Variants in SRPK3 observed in about 807,000 individuals in gnomAD.
SRPK3 encodes SFRS protein kinase 3.
Under a neutral mutation model 45.3 loss-of-function variants are expected in SRPK3, and 26 were observed. That is an observed-to-expected ratio of 0.57 (90% CI 0.42 to 0.80). The LOEUF (loss-of-function observed/expected upper bound fraction) is 0.80. Among genes scored for constraint, SRPK3 ranks in the 30% least tolerant of loss-of-function variants. The probability of loss-of-function intolerance (pLI) is 0.00; values close to 1 mark genes in which losing one functional copy is unlikely to be tolerated. For synonymous variants in SRPK3, 254 were observed against 226.6 expected, an observed-to-expected ratio of 1.12 and a Z score of -1.09; for missense variants, 536 against 514.5, an observed-to-expected ratio of 1.04 and a Z score of -0.40.
At chrX:153,784,631 C>T (rs1261044134) in intron 11 of SRPK3, 119 bp from the exon 12 acceptor site, 19 of 922,394 alleles carry the variant, frequency 2.1e-5, no homozygotes, top group South Asian at 4.5e-5. Context: ...CTGGGGACCC[C>T]GAGGCTCACA....
intron 8 of SRPK3, 51 bp downstream of exon 8, chrX:153,783,302 C>A (rs191542808): frequency 2.2e-4 from 209 of 971,649 alleles, no homozygotes; most frequent in Middle Eastern, 1.2e-3. Context: ...TCTGAGCCAA[C>A]TGGAGGCCAT....
In SRPK3 at chrX:153,784,923, C is replaced by T; in HGVS notation, c.1357-11C>T. On this transcript the variant is annotated splice_polypyrimidine_tract_variant and intron_variant, in intron 12 of 14. Transcript: ENST00000370101. Reference sequence around the variant, plus strand: ...CCACCAGCCAGCAGCCTCACCTCCTCCCCCTTCCAGGCCTTCGAGCTGGCC... The same window carrying T: ...CCACCAGCCAGCAGCCTCACCTCCTTCCCCTTCCAGGCCTTCGAGCTGGCC... 8.3e-7 allele frequency: 1 copy of T among 1,211,088 alleles called. No homozygotes were observed.
chrX:153,784,325 C>T lies in SRPK3; in HGVS notation c.1179C>T (p.Asn393=), dbSNP rs373989643. 6.0e-5 allele frequency: 73 copies of T among 1,210,056 alleles called. No individual in the cohort carries two copies. The highest frequency in any genetic ancestry group is 8.0e-5 in the Non-Finnish European group (72 of 895,254). The change falls in exon 11 of 15, where the codon AAC becomes AAT. Residue 393 remains asparagine, a synonymous_variant. Transcript: ENST00000370101. ...TPFGASNLLV[N]PLEPQNADKI... is the part of the protein sequence containing the mutation. Reference sequence around the variant, plus strand: ...TCGGTGCCTCGAACCTCCTGGTGAACCCCCTGGAGCCCCAAAATGCAGATA... The same window carrying T: ...TCGGTGCCTCGAACCTCCTGGTGAATCCCCTGGAGCCCCAAAATGCAGATA...
rs189942605 is a variant in SRPK3 at position 153,784,795 on chromosome X, G to A, written c.1294G>A (p.Val432Ile). 2.6e-5 allele frequency: 31 copies of A among 1,210,671 alleles called. No individual in the cohort carries two copies. In the Admixed American group the frequency reaches 2.8e-4, roughly 11 times the overall value. ...CATCCAGACTCGGCAGTACCGGGCCGTCGAGGTGCTGATCGGCGCCGAATA... is the reference window on the plus strand; with the variant it reads ...CATCCAGACTCGGCAGTACCGGGCCATCGAGGTGCTGATCGGCGCCGAATA... ...EDIQTRQYRAVEVLIGAEYGP... is the reference protein window; with the variant it reads ...EDIQTRQYRAIEVLIGAEYGP... The change falls in exon 12 of 15, where the codon GTC becomes ATC. Residue 432 changes from valine (V) to isoleucine (I), a missense_variant. Transcript: ENST00000370101.
rs1480844264 is a variant in SRPK3, at chrX:153,784,202, T to C, written c.1136T>C (p.Leu379Pro). 8 of 1,209,596 alleles carry C rather than the reference T, an allele frequency of 6.6e-6. No homozygotes were observed. The highest frequency in any genetic ancestry group is 8.9e-6 in the Non-Finnish European group (8 of 895,106). Reference protein sequence around the residue: ...SSNQRETGGLLSPSTPFGASN... With the variant: ...SSNQRETGGLPSPSTPFGASN... ...AATCAGCGAGAGACCGGGGGCCTCC[T>C]GTCGCCTAGCAGTAAGTTGGGTGGC... Residue 379 changes from leucine (L) to proline (P), a missense_variant, in exon 10 of 15, where the codon CTG (leucine) becomes CCG (proline). Transcript: ENST00000370101.
chrX:153,782,679 A>C (rs782308932), intron 5 of SRPK3, 93 bp from the exon 6 acceptor site: 21 of 918,253 alleles, frequency 2.3e-5, no homozygotes, highest in Non-Finnish European at 3.1e-5. Flanking sequence ...CCCCACCTCC[A>C]CACGGCCCAA....
Position 153,785,460 on chromosome X carries a change from C to T in SRPK3, c.1644C>T (p.Tyr548=), listed in dbSNP as rs1557068762. 8.3e-7 allele frequency: 1 copy of T among 1,211,125 alleles called. No individual in the cohort carries two copies. The highest frequency in any genetic ancestry group is 1.1e-6 in the Non-Finnish European group (1 of 895,327). Reference sequence around the variant, plus strand: ...CCTTTCTGCTGCCCATGATGGAGTACATCCCCGAAAAGCGGGCCAGTGCCG... The same window carrying T: ...CCTTTCTGCTGCCCATGATGGAGTATATCCCCGAAAAGCGGGCCAGTGCCG... ...FSAFLLPMME[Y]IPEKRASAAD... The change falls in exon 15 of 15, where the codon TAC becomes TAT. Residue 548 remains tyrosine, a synonymous_variant. Transcript: ENST00000370101.
In SRPK3 at chrX:153,784,978, TGGA is replaced by T. The variant is rs1328212180; in HGVS notation, c.1403_1405del (p.Gly468del). On this transcript the variant is annotated inframe_deletion, in exon 13 of 15. Transcript: ENST00000370101. The stretch of plus-strand genomic sequence containing the variant: ...GTGACTACCTGTTCGAGCCGCATTC[TGGA>T]GAAGACTACAGTCGTGATGAGGGTA... 2 of 1,210,344 alleles carry T rather than the reference TGGA, an allele frequency of 1.7e-6. No individual in the cohort carries two copies. Among genetic ancestry groups the T allele is most frequent in the Non-Finnish European group, 2.2e-6 (2 of 895,143 alleles).
chrX:153,782,914 G>A (rs1557067367), intron 6 of SRPK3, 36 bp downstream of exon 6: 1 of 1,196,090 alleles, frequency 8.4e-7, no homozygotes, highest in African/African-American at 1.7e-5. Flanking sequence ...AGCCTGGCCT[G>A]GGCGGGAGTT....
chrX:153,782,964 C>A lies in SRPK3; in HGVS notation c.594C>A (p.Gly198=). The change falls in exon 7 of 15, where the codon GGC becomes GGA. Residue 198 remains glycine (G), a synonymous_variant. Coordinates refer to ENST00000370101, the MANE Select transcript of SRPK3 (RefSeq NM_014370.4). The part of the protein sequence containing the change: ...VKSIVRQVLH[G]LDYLHTKCKI... ...GCGACTCTCTGCAGGTGCTGCACGG[C>A]CTGGACTACCTCCACACCAAGTGCA... 1 of 1,180,488 alleles carries A rather than the reference C, an allele frequency of 8.5e-7. No homozygotes were observed.
In SRPK3 at chrX:153,784,746, C is replaced by T. The variant is rs2092075260; in HGVS notation, c.1249-4C>T. On this transcript the variant is annotated splice_region_variant and splice_polypyrimidine_tract_variant and intron_variant, in intron 11 of 14. Coordinates refer to ENST00000370101, the MANE Select transcript of SRPK3 (RefSeq NM_014370.4). Reference sequence around the variant, plus strand: ...CCCGTCCCCAGGGCTCCCCTTGCTTCCAGCACAAGCACTTCACGGAAGACA... The same window carrying T: ...CCCGTCCCCAGGGCTCCCCTTGCTTTCAGCACAAGCACTTCACGGAAGACA... 3.3e-6 allele frequency: 4 copies of T among 1,211,125 alleles called. No homozygotes were observed. The highest frequency in any genetic ancestry group is 4.6e-4 in the Middle Eastern group (2 of 4,349).
intron 11 of SRPK3, 164 bp from the exon 12 acceptor site, chrX:153,784,586 G>C: frequency 2.8e-6 from 2 of 721,024 alleles, no homozygotes; most frequent in Non-Finnish European, 4.1e-6. Context: ...ATCAGCCTCA[G>C]CCTCACATCA....
rs781971253 is a variant in SRPK3, at chrX:153,785,022, G to A, written c.1426+19G>A. The A allele has an allele frequency of 2.5e-6, 3 of 1,210,164 alleles. No homozygotes were observed. Among genetic ancestry groups the A allele is most frequent in the African/African-American group, 3.5e-5 (2 of 57,647 alleles). On this transcript the variant is annotated intron_variant, in intron 13 of 14. Transcript: ENST00000370101. The stretch of plus-strand genomic sequence containing the variant: ...GATGAGGGTAAGGGGTGAGGGCTCT[G>A]GGCTCAGCCTCCCGGCCTCCCGGCC...
At position 153,784,335 on chromosome X, in the gene SRPK3, C is replaced by G; in HGVS notation, c.1189C>G (p.Pro397Ala). 6.6e-6 allele frequency: 8 copies of G among 1,211,423 alleles called. No individual in the cohort carries two copies. The highest frequency in any genetic ancestry group is 8.9e-6 in the Non-Finnish European group (8 of 895,524). The change falls in exon 11 of 15, where the codon CCC becomes GCC. Residue 397 changes from proline to alanine, a missense_variant. Pro to Ala is a conservative substitution (Grantham distance 27). Coordinates refer to ENST00000370101, the MANE Select transcript of SRPK3 (RefSeq NM_014370.4). Reference sequence around the variant, plus strand: ...GAACCTCCTGGTGAACCCCCTGGAGCCCCAAAATGCAGATAAGATCAAGAT... The same window carrying G: ...GAACCTCCTGGTGAACCCCCTGGAGGCCCAAAATGCAGATAAGATCAAGAT... ...ASNLLVNPLEPQNADKIKIKI... is the reference protein window; with the variant it reads ...ASNLLVNPLEAQNADKIKIKI...
intron 8 of SRPK3, 30 bp downstream of exon 8, chrX:153,783,281 C>G: frequency 8.7e-7 from 1 of 1,152,594 alleles, no homozygotes; most frequent in Non-Finnish European, 1.2e-6. Context: ...TCTCCCATGC[C>G]TCCTCTCCCA....
intron 5 of SRPK3, 152 bp from the exon 6 acceptor site, chrX:153,782,620 A>T: frequency 2.1e-6 from 1 of 474,216 alleles, no homozygotes; most frequent in South Asian, 3.6e-5. Flanking sequence ...ACTATCGATG[A>T]TGACACCAGC....
rs782415110 is a variant in SRPK3, at chrX:153,784,079, C to CG, written c.1013_1014insG (p.Gly339ArgfsTer5). 1.7e-6 allele frequency: 2 copies of CG among 1,210,298 alleles called. No homozygotes were observed. Among genetic ancestry groups the CG allele is most frequent in the East Asian group, 3.0e-5 (1 of 33,792 alleles). On this transcript the variant is annotated frameshift_variant, in exon 10 of 15. Transcript: ENST00000370101. LOFTEE classifies it high-confidence loss of function. ...TCCCCAGCCTCTTCCTCCCCCGCCC[C>CG]AGGGGGCGGCCGTAGCCTCAGCGCG...
At position 153,782,961 on chromosome X, in the gene SRPK3, C is replaced by T. The variant is rs782101711; in HGVS notation, c.591C>T (p.His197=). The change falls in exon 7 of 15, where the codon CAC becomes CAT. Residue 197 remains histidine, a synonymous_variant. Transcript: ENST00000370101. The part of the protein sequence containing the change: ...CVKSIVRQVL[H]GLDYLHTKCK... ...GGTGCGACTCTCTGCAGGTGCTGCA[C>T]GGCCTGGACTACCTCCACACCAAGT... is the stretch of plus-strand genomic sequence containing the variant. 30 of 1,180,486 alleles carry T rather than the reference C, an allele frequency of 2.5e-5. No individual in the cohort carries two copies. Among genetic ancestry groups the T allele is most frequent in the East Asian group, 6.0e-5 (2 of 33,285 alleles).
chrX:153,781,439 C>T, intron 2 of SRPK3, 66 bp from the exon 3 acceptor site: 1 of 1,179,537 alleles, frequency 8.5e-7, no homozygotes, highest in Non-Finnish European at 1.1e-6. Context: ...TCAATGGGGC[C>T]GAGGTGTTCG....
Sources: gnomAD v4.1 joint callset for allele counts on GRCh38, gnomAD v4.1.1 for gene constraint, MANE v1.5 for transcripts, NCBI Gene and HGNC (gene_info 2026-07-23, HGNC 2026-07-21) for gene names.